TRNT1: variants seen among roughly 807,000 people sequenced by gnomAD.
TRNT1 encodes the protein tRNA nucleotidyl transferase 1.
In TRNT1, 44 loss-of-function variants were observed where a neutral mutation model predicts 45.6. That is an observed-to-expected ratio of 0.97 (90% CI 0.76 to 1.24). TRNT1 has a LOEUF of 1.24. TRNT1 is among the 50% of genes most tolerant of loss of function. TRNT1 has a pLI of 0.00. For synonymous variants in TRNT1, 201 were observed against 171.4 expected (o/e 1.17, Z -1.35); for missense variants, 633 against 504.4 (o/e 1.25, Z -2.44).
intron 3 of TRNT1, 79 bp from the exon 4 acceptor site, chr3:3,140,431 C>A: frequency 6.7e-7 from 1 of 1,485,424 alleles, no homozygotes; most frequent in Non-Finnish European, 9.2e-7. Context: ...TTTATAAAGA[C>A]AAAAACTTAT....
At chr3:3,134,930 T>C (rs950003059) in intron 2 of TRNT1, among the ~76,000 whole-genome samples, 1 of 151,924 alleles carries the variant, frequency 6.6e-6, no homozygotes, top group African/African-American at 2.4e-5. Flanking sequence ...CTAAAGTGAG[T>C]CACAACAGAT....
At position 3,147,719 on chromosome 3, in the gene TRNT1, G is replaced by T; in HGVS notation, c.1056+16G>T. The stretch of plus-strand genomic sequence containing the variant: ...CATTATAGATGTAAGTATATACTAG[G>T]CTTGGTCAGAAATATGAAGTATCGT... On this transcript the variant is annotated intron_variant, in intron 7 of 7. Coordinates refer to ENST00000251607, the MANE Select transcript of TRNT1 (RefSeq NM_182916.3). The T allele has an allele frequency of 3.2e-6, 5 of 1,584,440 alleles. No homozygotes were observed. The highest frequency in any genetic ancestry group is 4.3e-6 in the Non-Finnish European group (5 of 1,167,364).
intron 1 of TRNT1, chr3:3,127,837 A>C (rs564882177): frequency 5.3e-5 from 8 of 152,236 alleles, no homozygotes; most frequent in African/African-American, 1.9e-4. Flanking sequence ...GTGTCGTGGT[A>C]ATGCTCCCCG....
intron 4 of TRNT1, among the ~76,000 whole-genome samples, chr3:3,141,792 T>C (rs1274388800): frequency 1.3e-5 from 2 of 152,222 alleles, no homozygotes; most frequent in Non-Finnish European, 2.9e-5. Flanking sequence ...CATGCATAGA[T>C]GGGCAAGAAG....
At chr3:3,133,221 T>C (rs905331939) in intron 2 of TRNT1, among the ~76,000 whole-genome samples, 17 of 152,144 alleles carry the variant, frequency 1.1e-4, no homozygotes, top group African/African-American at 4.1e-4. Flanking sequence ...TTTATGTATC[T>C]TTTTGCTTCA....
In TRNT1 at chr3:3,148,147, A is replaced by G. The variant is rs761018980; in HGVS notation, c.1298A>G (p.Lys433Arg). 1.1e-5 allele frequency: 18 copies of G among 1,613,192 alleles called. No individual in the cohort carries two copies. Among genetic ancestry groups the G allele is most frequent in the Non-Finnish European group, 1.5e-5 (18 of 1,179,614 alleles). ...GATGAACTTCTGAGTTACATAAAGA[A>G]GACCTAAAACTGATGGCTACTAAAA... is the stretch of plus-strand genomic sequence containing the variant. ...EKDELLSYIK[K>R]T The change falls in exon 8 of 8, where the codon AAG becomes AGG. Residue 433 changes from lysine (K) to arginine (R), a missense_variant. Coordinates refer to ENST00000251607, the MANE Select transcript of TRNT1 (RefSeq NM_182916.3).
intron 6 of TRNT1, among the ~76,000 whole-genome samples, chr3:3,147,210 C>T (rs1467002897): frequency 3.9e-5 from 6 of 152,048 alleles, no homozygotes; most frequent in Admixed American, 6.6e-5. Flanking sequence ...TCACCACTAC[C>T]CCTGGAACTC....
chr3:3,152,695 A>G (rs1195773961), downstream of TRNT1: 4 of 1,333,190 alleles, frequency 3.0e-6, no homozygotes, highest in Non-Finnish European at 4.2e-6. Context: ...TGAGCTATAC[A>G]GTTTTTAATC....
At chr3:3,151,579 A>C (rs1489884685), downstream of TRNT1, among the ~76,000 whole-genome samples, 1 of 152,160 alleles carries the variant, frequency 6.6e-6, no homozygotes, top group East Asian at 1.9e-4. Flanking sequence ...AAGATAAACC[A>C]TGTAATTGCA....
downstream of TRNT1, chr3:3,150,954 ATTTTTGAGGTGACATGTCTT>A: frequency 6.2e-7 from 1 of 1,614,026 alleles, no homozygotes; most frequent in Non-Finnish European, 8.5e-7. Flanking sequence ...AAGCCCCAAA[ATTTTTGAGGTGACATGTCTT>A]TTTTGGTGGC....
At chr3:3,134,884 A>G (rs1705230870) in intron 2 of TRNT1, among the ~76,000 whole-genome samples, 1 of 152,174 alleles carries the variant, frequency 6.6e-6, no homozygotes, top group South Asian at 2.1e-4. Context: ...GTCGCTTAGA[A>G]GAAATTCACC....
downstream of TRNT1, chr3:3,151,167 G>T: frequency 1.9e-6 from 2 of 1,054,620 alleles, no homozygotes; most frequent in East Asian, 2.6e-5. Context: ...TCTAAGTTGA[G>T]ATTTGATCCA....
At chr3:3,128,985 A>T in intron 1 of TRNT1, 29 bp from the exon 2 acceptor site, 1 of 1,475,446 alleles carries the variant, frequency 6.8e-7, no homozygotes. Flanking sequence ...TTTTAATTTC[A>T]TTGGTATGCC....
intron 4 of TRNT1, among the ~76,000 whole-genome samples, chr3:3,143,574 A>G (rs896294370): frequency 2.0e-5 from 3 of 152,180 alleles, no homozygotes; most frequent in African/African-American, 7.2e-5. Flanking sequence ...GAAAGACGCT[A>G]TCTTGGAAAT....
At chr3:3,150,759 G>GTATT (rs1457184681), downstream of TRNT1, 9 of 1,062,092 alleles carry the variant, frequency 8.5e-6, no homozygotes, top group Non-Finnish European at 1.3e-5. Context: ...GTTTACTTAG[G>GTATT]TATTAATGTT....
downstream of TRNT1, chr3:3,151,166 A>G: frequency 9.3e-7 from 1 of 1,071,638 alleles, no homozygotes; most frequent in Non-Finnish European, 1.4e-6. Flanking sequence ...TTCTAAGTTG[A>G]GATTTGATCC....
chr3:3,129,938 G>A, intron 2 of TRNT1: 4 of 1,550,582 alleles, frequency 2.6e-6, no homozygotes, highest in South Asian at 1.2e-5. Context: ...CTTTCCATGA[G>A]AACTGAAGGA....
chr3:3,132,743 AAC>A (rs1491238691), intron 2 of TRNT1, among the ~76,000 whole-genome samples: 1 of 127,624 alleles, frequency 7.8e-6, no homozygotes. Context: ...AAAAAAAAAA[AAC>A]ACAAAAAAAA....
chr3:3,146,549 A>G lies in TRNT1; in HGVS notation c.728A>G (p.Lys243Arg), dbSNP rs778759757. The G allele has an allele frequency of 1.2e-6, 2 of 1,613,898 alleles. No homozygotes were observed. Among genetic ancestry groups the G allele is most frequent in the Non-Finnish European group, 8.5e-7 (1 of 1,179,968 alleles). ...ISGERIWVEL[K>R]KILVGNHVNH... is the part of the protein sequence containing the mutation. ...GGAGAAAGGATTTGGGTGGAACTGAAAAAAATTCTTGTTGGTAACCATGTA... is the reference window on the plus strand; with the variant it reads ...GGAGAAAGGATTTGGGTGGAACTGAGAAAAATTCTTGTTGGTAACCATGTA... The change falls in exon 6 of 8, where the codon AAA becomes AGA. Residue 243 changes from lysine to arginine, a missense_variant. Lys to Arg is a conservative substitution (Grantham distance 26). Coordinates refer to ENST00000251607, the MANE Select transcript of TRNT1 (RefSeq NM_182916.3).
Sources: gnomAD v4.1 joint callset for allele counts (sites outside exome capture counted in the v4.1 genomes callset) on GRCh38, gnomAD v4.1.1 for gene constraint, MANE v1.5 for transcripts, NCBI Gene and HGNC (gene_info 2026-07-23, HGNC 2026-07-21) for gene names.